DAB1: variants seen among roughly 807,000 people sequenced by gnomAD.
The protein encoded by DAB1 is disabled homolog 1.
DAB1 carries 15 observed loss-of-function variants against 64.6 expected under a neutral mutation model. That is an observed-to-expected ratio of 0.23 (90% confidence interval 0.16 to 0.36). DAB1 has a LOEUF of 0.36. Among genes scored for constraint, DAB1 ranks in the 10% least tolerant of loss-of-function variants. DAB1 has a pLI of 1.00. For synonymous variants in DAB1, 235 were observed against 251.9 expected, an observed-to-expected ratio of 0.93 and a Z score of 0.64; for missense variants, 596 against 706.7, an observed-to-expected ratio of 0.84 and a Z score of 1.78.
chr1:57,827,736 A>C (rs952397518), intron 1 of DAB1, among the ~76,000 whole-genome samples: 2 of 152,276 alleles, frequency 1.3e-5, no homozygotes, highest in Admixed American at 6.5e-5. Context: ...CACAAAGGCT[A>C]CTTCCTTCCG....
At chr1:58,487,249 A>G (rs923571074) in intron 3 of DAB1, among the ~76,000 whole-genome samples, 6 of 152,208 alleles carry the variant, frequency 3.9e-5, no homozygotes, top group African/African-American at 1.4e-4. Flanking sequence ...CATGAATAGG[A>G]CACAGAAGTG....
chr1:57,416,528 G>A (rs376841106), intron 1 of DAB1, among the ~76,000 whole-genome samples: 2 of 152,108 alleles, frequency 1.3e-5, no homozygotes, highest in East Asian at 3.8e-4. Context: ...GACAGATTTG[G>A]ATAAGTAGTT....
chr1:58,464,708 A>G (rs1405765159), intron 3 of DAB1, among the ~76,000 whole-genome samples: 1 of 152,228 alleles, frequency 6.6e-6, no homozygotes, highest in African/African-American at 2.4e-5. Flanking sequence ...CTAATAAAAT[A>G]TAAAGTACAA....
At chr1:57,576,897 T>C (rs1255405673) in intron 7 of DAB1, among the ~76,000 whole-genome samples, 1 of 152,212 alleles carries the variant, frequency 6.6e-6, no homozygotes, top group Non-Finnish European at 1.5e-5. Context: ...ATGTTTGCCT[T>C]ACAGGCTCTC....
At chr1:57,645,469 T>C (rs754764182) in intron 7 of DAB1, among the ~76,000 whole-genome samples, 4 of 152,120 alleles carry the variant, frequency 2.6e-5, no homozygotes, top group Non-Finnish European at 5.9e-5. Flanking sequence ...AGCTATAGAG[T>C]AGGAAAGAGT....
chr1:57,493,118 T>C (rs1407103505), intron 7 of DAB1, among the ~76,000 whole-genome samples: 1 of 77,104 alleles, frequency 1.3e-5, no homozygotes, highest in African/African-American at 3.6e-5. Context: ...AGGGATCAAA[T>C]TGTGTGTATG....
chr1:57,116,333 G>A (rs1020072841), intron 4 of DAB1, among the ~76,000 whole-genome samples: 60 of 151,494 alleles, frequency 4.0e-4, no homozygotes, highest in African/African-American at 1.4e-3. Flanking sequence ...CCAGTGGCAC[G>A]CGCCTGTAAT....
chr1:57,599,412 G>A (rs144641677), intron 7 of DAB1, among the ~76,000 whole-genome samples: 1 of 150,948 alleles, frequency 6.6e-6, no homozygotes, highest in Non-Finnish European at 1.5e-5. Context: ...GCTGATGAAT[G>A]CATTTGGCAT....
intron 4 of DAB1, among the ~76,000 whole-genome samples, chr1:58,259,190 A>G (rs1660998148): frequency 6.6e-6 from 1 of 152,144 alleles, no homozygotes; most frequent in African/African-American, 2.4e-5. Context: ...AGCTTAAACA[A>G]ACTGGAACAG....
chr1:58,083,246 G>A (rs1001757034), intron 5 of DAB1, among the ~76,000 whole-genome samples: 4 of 152,090 alleles, frequency 2.6e-5, no homozygotes, highest in Non-Finnish European at 4.4e-5. Context: ...TCACCCTAAG[G>A]GACAAACAAC....
At chr1:58,306,005 A>G (rs1662300307) in intron 4 of DAB1, among the ~76,000 whole-genome samples, 1 of 149,570 alleles carries the variant, frequency 6.7e-6, no homozygotes, top group Non-Finnish European at 1.5e-5. Context: ...CACACACATT[A>G]TAGTCCTCCT....
At chr1:57,470,390 T>C (rs1047341521) in intron 7 of DAB1, among the ~76,000 whole-genome samples, 8 of 152,256 alleles carry the variant, frequency 5.3e-5, no homozygotes, top group Admixed American at 3.3e-4. Flanking sequence ...AACACTTCTG[T>C]GGAGACTCAC....
chr1:57,691,277 A>T (rs1570741673), intron 6 of DAB1, among the ~76,000 whole-genome samples: 1 of 152,126 alleles, frequency 6.6e-6, no homozygotes. Context: ...GATTGTAAAC[A>T]CACCAATCAG....
intron 6 of DAB1, among the ~76,000 whole-genome samples, chr1:57,809,866 C>T (rs560098135): frequency 2.0e-5 from 3 of 152,240 alleles, no homozygotes; most frequent in Admixed American, 1.3e-4. Flanking sequence ...CCTACTGTGC[C>T]TCTCCTCCTT....
Position 57,790,229 on chromosome 1 carries a change from A to G in DAB1, n.551+93770T>C, listed in dbSNP as rs1569694766. On this transcript the variant is annotated intron_variant and non_coding_transcript_variant, in intron 6 of 20. Coordinates refer to the DAB1 transcript ENST00000485760. ...GGAGGGACCTAGCAGGAGGCAACTG[A>G]ATCATGGGAGAAGTTACCTCCATGC... Among the ~76,000 whole-genome samples the G allele has an allele frequency of 2.0e-5, 3 of 152,312 alleles. No homozygotes were observed. In the East Asian group the frequency reaches 5.8e-4, roughly 29 times the overall value.
At chr1:57,498,302 T>C (rs1263840525) in intron 7 of DAB1, among the ~76,000 whole-genome samples, 2 of 152,198 alleles carry the variant, frequency 1.3e-5, no homozygotes, top group African/African-American at 4.8e-5. Context: ...GCAGTGGTCC[T>C]CAAGGCTGTA....
At chr1:57,305,968 CAAAA>C (rs1048177276) in intron 1 of DAB1, among the ~76,000 whole-genome samples, 2 of 62,280 alleles carry the variant, frequency 3.2e-5, no homozygotes, top group Non-Finnish European at 3.2e-5. Flanking sequence ...GACTCCGTCT[CAAAA>C]AAAAAAAAAA....
At chr1:57,659,662 T>C (rs573417183) in intron 6 of DAB1, among the ~76,000 whole-genome samples, 1 of 152,166 alleles carries the variant, frequency 6.6e-6, no homozygotes, top group South Asian at 2.1e-4. Context: ...AGGAATTTCA[T>C]GGCTATAAAA....
rs183060225 is a variant in DAB1, at chr1:58,048,448, G to A, written n.387+102063C>T. 6.3e-3 allele frequency: 6,555 copies of A among 1,044,326 alleles called. 205 individuals carry two copies. The African/African-American group carries it at 0.079, about 13-fold the overall frequency. The allele number at this position is 1,044,326 out of a possible 1,614,324, so 64.7% of individuals were successfully genotyped here. ...TATAGCTGTCATAGCTGCCACTCCCGCCATAGCCACTGCCCTGGTTTCCAT... is the reference window on the plus strand; with the variant it reads ...TATAGCTGTCATAGCTGCCACTCCCACCATAGCCACTGCCCTGGTTTCCAT... On this transcript the variant is annotated intron_variant and non_coding_transcript_variant, in intron 5 of 20. Transcript: ENST00000485760.
Sources: allele counts gnomAD v4.1 joint callset (sites outside exome capture counted in the v4.1 genomes callset), GRCh38; gene constraint gnomAD v4.1.1; transcripts MANE v1.5; gene names NCBI Gene and HGNC (gene_info 2026-07-23, HGNC 2026-07-21).